The following ERC2 variants were observed in gnomAD, a reference collection of about 807,000 sequenced individuals.
ERC2 encodes ERC protein 2.
A neutral mutation model predicts 114.8 loss-of-function variants in ERC2; 42 were observed. The ratio of observed to expected loss-of-function variants is 0.37; its 90% confidence interval spans 0.29 to 0.47. The LOEUF is 0.47. Ranked by LOEUF, ERC2 falls within the 20% of genes least tolerant of loss-of-function variation. The pLI, the probability that ERC2 is intolerant of heterozygous loss-of-function variation, is 0.99. For synonymous variants in ERC2, 454 were observed against 425.5 expected (o/e 1.07, Z -0.82); for missense variants, 939 against 1,150.7 (o/e 0.82, Z 2.66).
Position 56,352,636 on chromosome 3 carries a change from T to C in ERC2, c.658-56201A>G, listed in dbSNP as rs554134626. Among the ~76,000 whole-genome samples, 3 of 152,360 alleles carry C rather than the reference T, an allele frequency of 2.0e-5. No individual in the cohort carries two copies. The East Asian group carries it at 5.8e-4, about 29-fold the overall frequency. On this transcript the variant is annotated intron_variant, in intron 2 of 17. Transcript: ENST00000288221. Reference sequence around the variant, plus strand: ...TTAAAACAACACACAAATATTTATTTCAGTTTCTGTGGATCAGGAGTCTAA... The same window carrying C: ...TTAAAACAACACACAAATATTTATTCCAGTTTCTGTGGATCAGGAGTCTAA...
chr3:55,529,605 T>C (rs1402904147), intron 17 of ERC2, among the ~76,000 whole-genome samples: 1 of 152,148 alleles, frequency 6.6e-6, no homozygotes, highest in East Asian at 1.9e-4. Context: ...AAAAAATGGG[T>C]TCCTCTTTCA....
At chr3:56,260,487 G>C (rs1024180250) in intron 3 of ERC2, among the ~76,000 whole-genome samples, 2 of 152,212 alleles carry the variant, frequency 1.3e-5, no homozygotes, top group African/African-American at 4.8e-5. Flanking sequence ...GCTCCCAGGG[G>C]CTTGGCTGCA....
chr3:56,192,118 C>G (rs1247718601), intron 3 of ERC2, among the ~76,000 whole-genome samples: 1 of 151,978 alleles, frequency 6.6e-6, no homozygotes, highest in Non-Finnish European at 1.5e-5. Flanking sequence ...TCCAGCCTTT[C>G]CTCTTAGCCA....
intron 2 of ERC2, among the ~76,000 whole-genome samples, chr3:56,322,857 T>C (rs1439145272): frequency 1.3e-5 from 2 of 152,150 alleles, no homozygotes; most frequent in Admixed American, 1.3e-4. Context: ...AAACTCATGG[T>C]GAAATTTGAT....
chr3:55,624,639 C>T (rs1035784569), intron 17 of ERC2, among the ~76,000 whole-genome samples: 29 of 152,162 alleles, frequency 1.9e-4, no homozygotes, highest in African/African-American at 7.0e-4. Context: ...ACTCAGCAGC[C>T]TTGGCTCGGG....
chr3:56,326,680 C>A (rs2057376324), intron 2 of ERC2, among the ~76,000 whole-genome samples: 1 of 152,184 alleles, frequency 6.6e-6, no homozygotes, highest in South Asian at 2.1e-4. Flanking sequence ...AGAAGAAAAG[C>A]TCCTGCTGTC....
intron 4 of ERC2, among the ~76,000 whole-genome samples, chr3:56,164,245 T>C: frequency 6.6e-6 from 1 of 152,062 alleles, no homozygotes; most frequent in Non-Finnish European, 1.5e-5. Context: ...ACATTAGCAG[T>C]AACTCTTCTT....
At chr3:56,334,140 T>G (rs1018127958) in intron 2 of ERC2, among the ~76,000 whole-genome samples, 1 of 152,188 alleles carries the variant, frequency 6.6e-6, no homozygotes, top group Non-Finnish European at 1.5e-5. Flanking sequence ...AGTCTCCCTT[T>G]CCTTTGGAGA....
chr3:55,744,334 G>C (rs1328279563), intron 14 of ERC2, among the ~76,000 whole-genome samples: 1 of 152,136 alleles, frequency 6.6e-6, no homozygotes, highest in African/African-American at 2.4e-5. Context: ...AACCCAGCAG[G>C]GGGAGGTTGC....
intron 2 of ERC2, among the ~76,000 whole-genome samples, chr3:56,411,752 G>A (rs958038767): frequency 2.6e-5 from 4 of 152,084 alleles, no homozygotes; most frequent in Non-Finnish European, 5.9e-5. Context: ...AAGTCACAGG[G>A]CTGGTGAGTA....
chr3:56,207,702 C>T (rs947603654), intron 3 of ERC2, among the ~76,000 whole-genome samples: 2 of 152,064 alleles, frequency 1.3e-5, no homozygotes, highest in African/African-American at 4.8e-5. Context: ...ACTTGGTAAA[C>T]AGCAAACAAA....
rs537880109 is a variant in ERC2, at chr3:55,572,379, C to T, written c.*40-61103G>A. Among the ~76,000 whole-genome samples, 9 of 152,238 alleles carry T rather than the reference C, an allele frequency of 5.9e-5. No homozygotes were observed. In the South Asian group the frequency reaches 6.2e-4, roughly 11 times the overall value. On this transcript the variant is annotated intron_variant, in intron 17 of 17. Coordinates refer to ENST00000288221, the MANE Select transcript of ERC2 (RefSeq NM_015576.3). ...ATGGCAGAGGGAACACCCTTCCTGG[C>T]GGTGTGCTTTCCTCAATCCTCAATA...
At chr3:55,723,999 GGAGAGAGA>G (rs1177525992) in intron 15 of ERC2, among the ~76,000 whole-genome samples, 1 of 151,856 alleles carries the variant, frequency 6.6e-6, no homozygotes, top group Non-Finnish European at 1.5e-5. Context: ...AGGAACGGAG[GGAGAGAGA>G]GAAAGGGACC....
At chr3:55,989,869 T>C (rs915853359) in intron 11 of ERC2, among the ~76,000 whole-genome samples, 1 of 152,280 alleles carries the variant, frequency 6.6e-6, no homozygotes, top group East Asian at 1.9e-4. Flanking sequence ...AAAACTACTA[T>C]AATTTTTAAT....
intron 7 of ERC2, among the ~76,000 whole-genome samples, chr3:56,033,712 A>G (rs1365811031): frequency 4.6e-5 from 7 of 152,200 alleles, no homozygotes; most frequent in Non-Finnish European, 1.0e-4. Context: ...CATCCCCACA[A>G]GATTTCTCTC....
At chr3:55,895,836 C>T (rs753357716) in intron 13 of ERC2, among the ~76,000 whole-genome samples, 13 of 152,178 alleles carry the variant, frequency 8.5e-5, no homozygotes, top group East Asian at 1.9e-4. Context: ...GTGGTCCCTT[C>T]GCCATCCTCA....
intron 12 of ERC2, among the ~76,000 whole-genome samples, chr3:55,968,917 A>T (rs1026565711): frequency 4.6e-5 from 7 of 152,184 alleles, no homozygotes; most frequent in Non-Finnish European, 8.8e-5. Flanking sequence ...CATAAAAAAC[A>T]TGCCCATTCC....
intron 13 of ERC2, among the ~76,000 whole-genome samples, chr3:55,928,806 A>C (rs962251798): frequency 2.0e-5 from 3 of 152,156 alleles, no homozygotes; most frequent in African/African-American, 4.8e-5. Context: ...ACTGGGGGCT[A>C]GTTTCATTCT....
intron 7 of ERC2, among the ~76,000 whole-genome samples, chr3:56,032,011 C>T (rs886216407): frequency 1.3e-5 from 2 of 152,126 alleles, no homozygotes; most frequent in Non-Finnish European, 2.9e-5. Flanking sequence ...TGAGTGAGTT[C>T]TCACTCTGTT....
Sources: allele counts gnomAD v4.1 joint callset (sites outside exome capture counted in the v4.1 genomes callset), GRCh38; gene constraint gnomAD v4.1.1; transcripts MANE v1.5; gene names NCBI Gene and HGNC (gene_info 2026-07-23, HGNC 2026-07-21).